The following CALN1 variants were observed in gnomAD, a reference collection of about 807,000 sequenced individuals.
CALN1 encodes the protein calneuron 1, also known as calcium-binding protein 8.
Under a neutral mutation model 30.6 loss-of-function variants are expected in CALN1, and 17 were observed. The ratio of observed to expected loss-of-function variants is 0.56; its 90% CI spans 0.38 to 0.83. The LOEUF is 0.83. CALN1 is among the 40% of genes least tolerant of loss of function. The pLI is 0.00. For synonymous variants in CALN1, 156 were observed against 131.4 expected, an observed-to-expected ratio of 1.19 and a Z score of -1.28; for missense variants, 291 against 354.9, an observed-to-expected ratio of 0.82 and a Z score of 1.45.
rs1786940470 is a variant in CALN1, at chr7:72,148,369, G to T, written c.245-42075C>A. On this transcript the variant is annotated intron_variant, in intron 3 of 6. Coordinates refer to ENST00000395275, the MANE Select transcript of CALN1 (RefSeq NM_031468.4). Reference sequence around the variant, plus strand: ...GATCACTTGAGCCCAGGAATTCGAGGCCAGCCTAGGCAACATAGCAAGACC... The same window carrying T: ...GATCACTTGAGCCCAGGAATTCGAGTCCAGCCTAGGCAACATAGCAAGACC... Among the ~76,000 whole-genome samples, 3 of 148,130 alleles carry T rather than the reference G, an allele frequency of 2.0e-5. No individual in the cohort carries two copies. The South Asian group carries it at 6.5e-4, about 32-fold the overall frequency.
intron 3 of CALN1, among the ~76,000 whole-genome samples, chr7:72,225,670 C>T (rs555298917): frequency 3.3e-5 from 5 of 152,258 alleles, no homozygotes; most frequent in South Asian, 2.1e-4. Context: ...TAAAATGTCA[C>T]GCCATCTTGT....
At chr7:72,118,819 C>T (rs964217320) in intron 3 of CALN1, among the ~76,000 whole-genome samples, 4 of 152,174 alleles carry the variant, frequency 2.6e-5, no homozygotes, top group South Asian at 4.1e-4. Flanking sequence ...ATTGCTGGAA[C>T]ACATCAGTTC....
At chr7:71,957,769 A>G in intron 5 of CALN1, among the ~76,000 whole-genome samples, 1 of 152,236 alleles carries the variant, frequency 6.6e-6, no homozygotes, top group East Asian at 1.9e-4. Flanking sequence ...TCGCACTAAG[A>G]AAGTGCAGGT....
chr7:72,286,822 A>G (rs1051814906), intron 2 of CALN1, among the ~76,000 whole-genome samples: 3 of 152,226 alleles, frequency 2.0e-5, no homozygotes, highest in Admixed American at 2.0e-4. Flanking sequence ...GAAGTACAGC[A>G]AAAGCCTATT....
intron 4 of CALN1, among the ~76,000 whole-genome samples, chr7:72,050,964 C>T (rs907177511): frequency 2.6e-5 from 4 of 151,174 alleles, no homozygotes; most frequent in Non-Finnish European, 5.9e-5. Context: ...TACTGCATTC[C>T]AGCCTGGGTG....
Position 72,278,761 on chromosome 7 carries a change from T to TC in CALN1, c.168dup (p.Asn57GlufsTer12). On this transcript the variant is annotated frameshift_variant, in exon 3 of 7. Transcript: ENST00000395275. LOFTEE classifies it high-confidence loss of function. Reference sequence around the variant, plus strand: ...GCAGAGAGCGATCGGTTGAGGTAATTCCCCTTGTACAACAAGCCGGCGGTC... The same window carrying TC: ...GCAGAGAGCGATCGGTTGAGGTAATTCCCCCTTGTACAACAAGCCGGCGGTC... 1 of 1,614,036 alleles carries TC rather than the reference T, an allele frequency of 6.2e-7. No homozygotes were observed.
At chr7:72,419,314 T>C (rs1177660576) in intron 1 of CALN1, among the ~76,000 whole-genome samples, 2 of 152,028 alleles carry the variant, frequency 1.3e-5, no homozygotes, top group African/African-American at 4.8e-5. Flanking sequence ...GAACCTCATA[T>C]CCACTGGCAC....
At chr7:72,451,397 G>A (rs1159888896), upstream of CALN1, among the ~76,000 whole-genome samples, 5 of 141,716 alleles carry the variant, frequency 3.5e-5, no homozygotes, top group Admixed American at 2.8e-4. Flanking sequence ...GAGGAGGAGT[G>A]GGGGAAGGGG....
intron 3 of CALN1, among the ~76,000 whole-genome samples, chr7:72,238,031 G>T (rs1585236892): frequency 2.0e-5 from 3 of 152,284 alleles, no homozygotes; most frequent in Middle Eastern, 3.4e-3. Context: ...AGCTTGTGAA[G>T]GTAATGACCC....
chr7:72,232,542 C>G (rs941819986), intron 3 of CALN1, among the ~76,000 whole-genome samples: 7 of 152,152 alleles, frequency 4.6e-5, no homozygotes, highest in Admixed American at 3.3e-4. Context: ...CTCACTACAA[C>G]CTCCGCTTCC....
the CALN1 span, among the ~76,000 whole-genome samples, chr7:72,503,886 C>A: frequency 8.6e-4 from 131 of 152,144 alleles, 2 homozygotes; most frequent in African/African-American, 3.1e-3. Context: ...GGCGAGAATG[C>A]CTTGGTTTTT....
At chr7:72,128,991 C>T (rs1408410168) in intron 3 of CALN1, among the ~76,000 whole-genome samples, 1 of 152,080 alleles carries the variant, frequency 6.6e-6, no homozygotes, top group East Asian at 1.9e-4. Flanking sequence ...TAATTTCCCT[C>T]ACATTAAAAA....
At chr7:72,111,858 T>A (rs930477734) in intron 3 of CALN1, among the ~76,000 whole-genome samples, 2 of 151,824 alleles carry the variant, frequency 1.3e-5, no homozygotes, top group Admixed American at 6.6e-5. Context: ...TCAAGCAATT[T>A]TCCTGCCTCA....
intron 3 of CALN1, among the ~76,000 whole-genome samples, chr7:72,137,082 C>T (rs1563088354): frequency 2.0e-5 from 3 of 152,132 alleles, no homozygotes; most frequent in Non-Finnish European, 4.4e-5. Context: ...CTCTTACACA[C>T]TAAGTATATT....
At chr7:71,866,664 TACCGA>T (rs1231883246) in intron 5 of CALN1, among the ~76,000 whole-genome samples, 1 of 152,176 alleles carries the variant, frequency 6.6e-6, no homozygotes, top group Non-Finnish European at 1.5e-5. Context: ...GTCAACATCC[TACCGA>T]ACCCCCAAAT....
At chr7:72,137,097 G>A (rs921634999) in intron 3 of CALN1, among the ~76,000 whole-genome samples, 1 of 152,170 alleles carries the variant, frequency 6.6e-6, no homozygotes, top group African/African-American at 2.4e-5. Flanking sequence ...TATATTTAAG[G>A]GTTTTGGAAA....
intron 6 of CALN1, among the ~76,000 whole-genome samples, chr7:71,795,994 AT>A (rs35000438): frequency 1.5e-3 from 205 of 140,446 alleles, no homozygotes; most frequent in African/African-American, 2.0e-3. Flanking sequence ...AATTTTTTGC[AT>A]TTTTTTTTTT....
At position 72,280,270 on chromosome 7, in the gene CALN1, G is replaced by A. The variant is rs181383924; in HGVS notation, c.120-1460C>T. 6.5e-3 allele frequency among the ~76,000 whole-genome samples: 984 copies of A among 152,286 alleles called. 2 individuals are homozygous for A. Among genetic ancestry groups the A allele is most frequent in the Middle Eastern group, 0.014 (4 of 294 alleles). ...TCCCAAATGCTCGGGGCCCCAAAAA[G>A]TAAAACAGACACATGGCTGAGGCAA... On this transcript the variant is annotated intron_variant, in intron 2 of 6. Coordinates refer to ENST00000395275, the MANE Select transcript of CALN1 (RefSeq NM_031468.4).
At chr7:72,114,745 A>G (rs1807844901) in intron 3 of CALN1, among the ~76,000 whole-genome samples, 1 of 151,800 alleles carries the variant, frequency 6.6e-6, no homozygotes, top group Admixed American at 6.6e-5. Context: ...TGTAATCCCC[A>G]CACTTTGGGA....
Sources: gnomAD v4.1 joint callset for allele counts (sites outside exome capture counted in the v4.1 genomes callset) on GRCh38, gnomAD v4.1.1 for gene constraint, MANE v1.5 for transcripts, NCBI Gene and HGNC (gene_info 2026-07-23, HGNC 2026-07-21) for gene names.